The following ZNF324B variants were observed in gnomAD, a reference collection of about 807,000 sequenced individuals.
ZNF324B encodes zinc finger protein 324B.
ZNF324B carries 7 observed loss-of-function variants against 10.6 expected under a neutral mutation model. That is an observed-to-expected ratio of 0.66 (90% CI 0.38 to 1.24). ZNF324B has a LOEUF of 1.24. Among genes scored for constraint, ZNF324B ranks in the 50% most tolerant of loss-of-function variants. The pLI is 0.02. For missense variants in ZNF324B, 640 were observed against 764.7 expected (o/e 0.84, Z 1.92); for synonymous variants, 316 against 321.0 (o/e 0.98, Z 0.17).
the ZNF324B span, chr19:58,442,923 GC>G: frequency 6.6e-6 from 1 of 152,284 alleles, no homozygotes; most frequent in South Asian, 2.1e-4. Context: ...CCCGCGGGTT[GC>G]CGCTGCTGGC....
At chr19:58,438,140 A>G in the ZNF324B span, among the ~76,000 whole-genome samples, 1 of 152,144 alleles carries the variant, frequency 6.6e-6, no homozygotes, top group Non-Finnish European at 1.5e-5. Context: ...TAGAGAAGCA[A>G]ATCAACCTAA....
chr19:58,444,869 A>G, the ZNF324B span: 21 of 153,074 alleles, frequency 1.4e-4, no homozygotes, highest in African/African-American at 5.1e-4. Flanking sequence ...GTATAGTAAC[A>G]TGGGGAATCC....
At chr19:58,447,336 G>C (rs2052832578), upstream of ZNF324B, among the ~76,000 whole-genome samples, 1 of 152,194 alleles carries the variant, frequency 6.6e-6, no homozygotes. Flanking sequence ...GCTGCCCCAG[G>C]TGACCACCCT....
the ZNF324B span, among the ~76,000 whole-genome samples, chr19:58,426,942 G>C: frequency 1.9e-3 from 291 of 152,292 alleles, 1 homozygote; most frequent in Middle Eastern, 6.8e-3. Flanking sequence ...AACCTGGACA[G>C]CTCAAAAGTC....
the ZNF324B span, chr19:58,430,774 C>G: frequency 1.3e-5 from 2 of 152,146 alleles, no homozygotes; most frequent in Non-Finnish European, 2.9e-5. Context: ...AGTGTGGGTT[C>G]TTAGGTGGTT....
At chr19:58,442,904 G>A in the ZNF324B span, 6 of 152,438 alleles carry the variant, frequency 3.9e-5, no homozygotes, top group Middle Eastern at 3.4e-3. Flanking sequence ...TCTACAGCAT[G>A]GAAGAGGACC....
the ZNF324B span, among the ~76,000 whole-genome samples, chr19:58,422,137 A>T: frequency 1.3e-5 from 2 of 152,158 alleles, no homozygotes; most frequent in African/African-American, 4.8e-5. Context: ...GGCTGGTCTC[A>T]AACTCCTAAC....
chr19:58,427,267 C>T, the ZNF324B span, among the ~76,000 whole-genome samples: 6 of 146,378 alleles, frequency 4.1e-5, no homozygotes, highest in Non-Finnish European at 6.1e-5. Flanking sequence ...TGGGATTACA[C>T]GCATGCGCCA....
chr19:58,454,445 C>T, intron 3 of ZNF324B, 101 bp downstream of exon 3: 1 of 761,696 alleles, frequency 1.3e-6, no homozygotes, highest in Non-Finnish European at 2.3e-6. Flanking sequence ...CTCCTGCCTC[C>T]TACCTGACTC....
the ZNF324B span, among the ~76,000 whole-genome samples, chr19:58,427,313 TTC>T: frequency 3.8e-5 from 3 of 79,664 alleles, no homozygotes; most frequent in Non-Finnish European, 6.4e-5. Flanking sequence ...CTTTCTTTCT[TTC>T]TTTCTTTCTT....
the ZNF324B span, among the ~76,000 whole-genome samples, chr19:58,438,368 T>A: frequency 1.3e-5 from 2 of 152,300 alleles, no homozygotes; most frequent in Admixed American, 1.3e-4. Context: ...AATTTGGTAG[T>A]GTCTGGGACA....
At chr19:58,433,944 G>C in the ZNF324B span, 1 of 1,614,110 alleles carries the variant, frequency 6.2e-7, no homozygotes, top group South Asian at 1.1e-5. Flanking sequence ...GGATGAGGGT[G>C]GAGCTATTAC....
At chr19:58,438,214 C>A in the ZNF324B span, among the ~76,000 whole-genome samples, 3 of 152,234 alleles carry the variant, frequency 2.0e-5, no homozygotes, top group African/African-American at 7.2e-5. Context: ...GACCTACTCT[C>A]TGCTCAGGAG....
At chr19:58,453,633 G>T in intron 1 of ZNF324B, 63 bp from the exon 2 acceptor site, 1 of 1,611,006 alleles carries the variant, frequency 6.2e-7, no homozygotes, top group Non-Finnish European at 8.5e-7. Context: ...GGGATGGGGA[G>T]CTTGGTCCTG....
the ZNF324B span, chr19:58,418,604 A>C: frequency 1.3e-5 from 2 of 150,186 alleles, no homozygotes; most frequent in East Asian, 4.0e-4. Context: ...GCTGGGAGCC[A>C]CTGTGCCTGG....
the ZNF324B span, chr19:58,440,867 T>C: frequency 6.6e-6 from 1 of 152,234 alleles, no homozygotes; most frequent in Non-Finnish European, 1.5e-5. Flanking sequence ...CGCCCGGCTG[T>C]AGGCATGGAA....
chr19:58,444,655 AC>A, the ZNF324B span: 1 of 152,286 alleles, frequency 6.6e-6, no homozygotes, highest in Non-Finnish European at 1.5e-5. Flanking sequence ...ATTTTGCAGA[AC>A]CTACAGAGAA....
the ZNF324B span, chr19:58,440,930 C>T: frequency 0.019 from 2,852 of 152,562 alleles, 34 homozygotes; most frequent in Non-Finnish European, 0.03. Flanking sequence ...CACCATTGTC[C>T]TAAGTCTCCG....
the ZNF324B span, chr19:58,442,834 G>A: frequency 2.6e-5 from 4 of 152,448 alleles, no homozygotes; most frequent in African/African-American, 9.6e-5. Context: ...CATAAAGGTA[G>A]TGTGGACCCA....
Sources: allele counts gnomAD v4.1 joint callset (sites outside exome capture counted in the v4.1 genomes callset), GRCh38; gene constraint gnomAD v4.1.1; transcripts MANE v1.5; gene names NCBI Gene and HGNC (gene_info 2026-07-23, HGNC 2026-07-21).